CELF2: variants seen among roughly 807,000 people sequenced by gnomAD.
CELF2 encodes the protein CUGBP Elav-like family member 2.
In CELF2, 8 loss-of-function variants were observed where a neutral mutation model predicts 62.6. The ratio of observed to expected loss-of-function variants is 0.13; its 90% CI spans 0.07 to 0.23. CELF2 has a LOEUF of 0.23. Among genes scored for constraint, CELF2 ranks in the 10% least tolerant of loss-of-function variants. The probability of loss-of-function intolerance (pLI) is 1.00; values close to 1 mark genes in which losing one functional copy is unlikely to be tolerated. For synonymous variants in CELF2, 258 were observed against 250.0 expected (o/e 1.03, Z -0.30); for missense variants, 333 against 671.0 (o/e 0.50, Z 5.56).
chr10:11,090,087 A>T (rs1291817), intron 1 of CELF2, among the ~76,000 whole-genome samples: 67,841 of 151,846 alleles, frequency 0.45, 17,265 homozygotes, highest in African/African-American at 0.69. Context: ...GCTCAGCACC[A>T]GGGTGATGGG....
chr10:10,705,483 C>T, the CELF2 span, among the ~76,000 whole-genome samples: 1 of 151,624 alleles, frequency 6.6e-6, no homozygotes, highest in Non-Finnish European at 1.5e-5. Flanking sequence ...TGTGATTGAA[C>T]TACAGGGAGA....
chr10:11,100,706 C>G (rs140949150), intron 1 of CELF2, among the ~76,000 whole-genome samples: 34 of 152,162 alleles, frequency 2.2e-4, no homozygotes, highest in African/African-American at 7.2e-4. Flanking sequence ...AAAGAGTTCC[C>G]GTAGCATTTT....
chr10:10,647,432 C>A, the CELF2 span, among the ~76,000 whole-genome samples: 4 of 152,210 alleles, frequency 2.6e-5, no homozygotes, highest in Admixed American at 2.0e-4. Flanking sequence ...AGACAATTTG[C>A]AAATGCAAAC....
Position 11,246,468 on chromosome 10 carries a change from C to T in CELF2, c.355-2685C>T, listed in dbSNP as rs1443531347. On this transcript the variant is annotated intron_variant, in intron 3 of 12. Coordinates refer to ENST00000633077, the MANE Select transcript of CELF2 (RefSeq NM_001326342.2). The surrounding 1 kb of genome is among the most constrained non-coding windows in gnomAD (Gnocchi z 4.6). ...CCCTCATTCACCCTATCTACTGTTA[C>T]CCTCCTCCTTTCCCCTCTACTTCCC... Among the ~76,000 whole-genome samples, 1 of 152,128 alleles carries T rather than the reference C, an allele frequency of 6.6e-6. No homozygotes were observed. The highest frequency in any genetic ancestry group is 1.5e-5 in the Non-Finnish European group (1 of 68,030).
At chr10:10,564,448 A>G in the CELF2 span, among the ~76,000 whole-genome samples, 104 of 152,192 alleles carry the variant, frequency 6.8e-4, no homozygotes, top group African/African-American at 2.4e-3. Flanking sequence ...TCCTCTTTTT[A>G]TTTCAACCCA....
At chr10:10,933,868 A>G (rs1592111876) in intron 2 of CELF2, among the ~76,000 whole-genome samples, 1 of 152,206 alleles carries the variant, frequency 6.6e-6, no homozygotes, top group Non-Finnish European at 1.5e-5. Context: ...GGTTGATTCC[A>G]TATCTTGGCT....
intron 9 of CELF2, among the ~76,000 whole-genome samples, chr10:11,294,855 G>A (rs2092969399): frequency 6.6e-6 from 1 of 152,172 alleles, no homozygotes; most frequent in Non-Finnish European, 1.5e-5. Context: ...AGGCTGCAGT[G>A]ACCAAGATCA....
intron 1 of CELF2, among the ~76,000 whole-genome samples, chr10:10,813,932 T>C (rs2131799253): frequency 6.6e-6 from 1 of 152,278 alleles, no homozygotes; most frequent in East Asian, 1.9e-4. Context: ...TGAGCTAAGC[T>C]GTCCTGGGCT....
intron 9 of CELF2, among the ~76,000 whole-genome samples, chr10:11,307,471 A>T (rs1164069131): frequency 6.6e-6 from 1 of 152,248 alleles, no homozygotes; most frequent in Non-Finnish European, 1.5e-5. Context: ...TCATTGTTTC[A>T]TAAAATAGAT....
At chr10:11,142,401 T>C (rs2061494046) in intron 1 of CELF2, among the ~76,000 whole-genome samples, 1 of 148,446 alleles carries the variant, frequency 6.7e-6, no homozygotes, top group African/African-American at 2.6e-5. Flanking sequence ...TGGGCTGGGC[T>C]GGGCTGGGCG....
At chr10:11,019,021 G>A (rs2057845094) in intron 1 of CELF2, among the ~76,000 whole-genome samples, 1 of 152,152 alleles carries the variant, frequency 6.6e-6, no homozygotes, top group African/African-American at 2.4e-5. Context: ...TGTGATTCTG[G>A]TTGTTTTACA....
chr10:11,005,207 A>G, upstream of CELF2: 2 of 1,468,036 alleles, frequency 1.4e-6, no homozygotes, highest in Admixed American at 2.6e-5. This position sits in a 1 kb window ranked among gnomAD's most constrained non-coding sequence, Gnocchi z 4.3. Flanking sequence ...CCCTTGCTCT[A>G]CTATTCAGCA....
intron 1 of CELF2, among the ~76,000 whole-genome samples, chr10:11,152,688 C>G (rs1328743672): frequency 6.6e-6 from 1 of 152,234 alleles, no homozygotes; most frequent in African/African-American, 2.4e-5. Context: ...TCTGTAGCAT[C>G]TTTCCTTGAA....
chr10:11,026,220 T>C (rs1209019234), intron 1 of CELF2, among the ~76,000 whole-genome samples: 1 of 152,222 alleles, frequency 6.6e-6, no homozygotes, highest in Non-Finnish European at 1.5e-5. Flanking sequence ...ATGATCCCAC[T>C]GCCACCTGTT....
At chr10:10,818,340 A>T (rs916037775) in intron 1 of CELF2, among the ~76,000 whole-genome samples, 2 of 152,150 alleles carry the variant, frequency 1.3e-5, no homozygotes, top group African/African-American at 4.8e-5. Flanking sequence ...AAGCAGATCC[A>T]GCTGTCTAGC....
At chr10:10,588,465 G>A in the CELF2 span, among the ~76,000 whole-genome samples, 1 of 152,126 alleles carries the variant, frequency 6.6e-6, no homozygotes, top group African/African-American at 2.4e-5. Flanking sequence ...GGCTATTAAA[G>A]GGCGTATTGG....
the CELF2 span, among the ~76,000 whole-genome samples, chr10:10,625,089 C>A: frequency 6.6e-6 from 1 of 152,174 alleles, no homozygotes; most frequent in Non-Finnish European, 1.5e-5. Context: ...TTTGTGACTT[C>A]TTTTTCCCTT....
chr10:10,536,910 A>G, the CELF2 span, among the ~76,000 whole-genome samples: 1 of 152,142 alleles, frequency 6.6e-6, no homozygotes, highest in African/African-American at 2.4e-5. Flanking sequence ...CAAGAAGCAG[A>G]CCTCTGAGGA....
the CELF2 span, among the ~76,000 whole-genome samples, chr10:10,572,749 G>T: frequency 3.4e-4 from 52 of 152,116 alleles, no homozygotes; most frequent in Non-Finnish European, 5.7e-4. Context: ...TCTTTATCCG[G>T]TCTATCATCG....
Sources: allele counts gnomAD v4.1 joint callset (sites outside exome capture counted in the v4.1 genomes callset), GRCh38; gene constraint gnomAD v4.1.1; non-coding constraint Gnocchi (gnomAD v3.1); transcripts MANE v1.5; gene names NCBI Gene and HGNC (gene_info 2026-07-23, HGNC 2026-07-21).